Variants in NCKAP5 observed in about 807,000 individuals in gnomAD.
The protein encoded by NCKAP5 is nck-associated protein 5.
Under a neutral mutation model 167.0 loss-of-function variants are expected in NCKAP5, and 92 were observed. That is an observed-to-expected ratio of 0.55 (90% confidence interval 0.47 to 0.66). The LOEUF (loss-of-function observed/expected upper bound fraction) is 0.66, where lower values mean the gene tolerates loss of function less well. Ranked by LOEUF, NCKAP5 falls within the 30% of genes least tolerant of loss-of-function variation. The probability of loss-of-function intolerance (pLI) is 0.00; values close to 1 mark genes in which losing one functional copy is unlikely to be tolerated. For missense variants in NCKAP5, 2,378 were observed against 2,315.0 expected, an observed-to-expected ratio of 1.03 and a Z score of -0.56; for synonymous variants, 891 against 877.4, an observed-to-expected ratio of 1.02 and a Z score of -0.27.
chr2:133,064,153 T>G lies in NCKAP5; in HGVS notation c.341+65825A>C, dbSNP rs78119288. Among the ~76,000 whole-genome samples the G allele has an allele frequency of 3.8e-3, 579 of 152,320 alleles. 2 individuals carry two copies. Among genetic ancestry groups the G allele is most frequent in the African/African-American group, 0.013 (554 of 41,566 alleles). ...AAAAAATGGTCGAACTCACACCATCTTTGTCTTGGCATGGGTTGTCATCAC... is the reference window on the plus strand; with the variant it reads ...AAAAAATGGTCGAACTCACACCATCGTTGTCTTGGCATGGGTTGTCATCAC... On this transcript the variant is annotated intron_variant, in intron 6 of 19. Transcript: ENST00000409261.
At chr2:133,029,691 C>T (rs747807423) in intron 6 of NCKAP5, among the ~76,000 whole-genome samples, 5 of 152,060 alleles carry the variant, frequency 3.3e-5, no homozygotes, top group Admixed American at 2.6e-4. Context: ...CTGAAATGAG[C>T]GCTACTTGCC....
chr2:133,429,468 T>G (rs1003294933), intron 3 of NCKAP5, among the ~76,000 whole-genome samples: 9 of 152,064 alleles, frequency 5.9e-5, no homozygotes, highest in African/African-American at 2.2e-4. Context: ...CCCTCCATTT[T>G]TAGTCCTTGC....
chr2:132,870,633 G>A (rs890489341), intron 9 of NCKAP5, among the ~76,000 whole-genome samples: 2 of 151,528 alleles, frequency 1.3e-5, no homozygotes, highest in South Asian at 2.1e-4. Flanking sequence ...TACAGTCAAC[G>A]GGAGACTGAG....
At chr2:133,435,969 T>G (rs1280681273) in intron 3 of NCKAP5, among the ~76,000 whole-genome samples, 6 of 152,190 alleles carry the variant, frequency 3.9e-5, no homozygotes, top group Non-Finnish European at 8.8e-5. Flanking sequence ...AAATAGTTAC[T>G]CTTCATGAAT....
At chr2:133,283,906 C>T (rs1383889342) in intron 4 of NCKAP5, among the ~76,000 whole-genome samples, 3 of 152,032 alleles carry the variant, frequency 2.0e-5, no homozygotes, top group East Asian at 1.9e-4. Context: ...CCACCGTGCC[C>T]GGCCTTGAAA....
intron 3 of NCKAP5, among the ~76,000 whole-genome samples, chr2:133,460,967 T>C (rs183758766): frequency 6.6e-6 from 1 of 152,036 alleles, no homozygotes; most frequent in Admixed American, 6.6e-5. Flanking sequence ...CAAAGAAAAA[T>C]CTATTAAAAT....
At chr2:133,358,548 G>A (rs1455235052) in intron 3 of NCKAP5, among the ~76,000 whole-genome samples, 2 of 152,122 alleles carry the variant, frequency 1.3e-5, no homozygotes, top group South Asian at 4.1e-4. Flanking sequence ...CTGTGCCCCA[G>A]CCTGGACAAC....
intron 6 of NCKAP5, among the ~76,000 whole-genome samples, chr2:133,063,997 T>C (rs1166738603): frequency 6.6e-6 from 1 of 152,188 alleles, no homozygotes; most frequent in East Asian, 1.9e-4. Flanking sequence ...CTCCAAAACA[T>C]CGTTTCTTAG....
chr2:132,932,921 C>CTTTTT (rs368871730), intron 8 of NCKAP5, among the ~76,000 whole-genome samples: 6 of 119,978 alleles, frequency 5.0e-5, no homozygotes, highest in East Asian at 2.5e-4. Flanking sequence ...TTATCCTCTA[C>CTTTTT]TTTTTTTTTT....
intron 4 of NCKAP5, among the ~76,000 whole-genome samples, chr2:133,254,998 T>C (rs1368220564): frequency 6.6e-6 from 1 of 152,126 alleles, no homozygotes. Flanking sequence ...AATCATTAGC[T>C]GTGTGAAACT....
At chr2:133,377,792 G>T (rs1686249856) in intron 3 of NCKAP5, among the ~76,000 whole-genome samples, 1 of 152,188 alleles carries the variant, frequency 6.6e-6, no homozygotes, top group South Asian at 2.1e-4. Flanking sequence ...GAAGAAGGAA[G>T]TAAGAACTGG....
chr2:133,166,969 G>A (rs2084026135), intron 5 of NCKAP5, among the ~76,000 whole-genome samples: 1 of 152,128 alleles, frequency 6.6e-6, no homozygotes. Context: ...TTAGAATTAA[G>A]TACCACTAAC....
chr2:133,530,722 G>A (rs1167090452), intron 2 of NCKAP5, among the ~76,000 whole-genome samples: 1 of 152,136 alleles, frequency 6.6e-6, no homozygotes, highest in African/African-American at 2.4e-5. Context: ...AATAGAATGT[G>A]GCAAAAGGGA....
chr2:132,870,836 T>C (rs557963865), intron 9 of NCKAP5, among the ~76,000 whole-genome samples: 4 of 151,608 alleles, frequency 2.6e-5, no homozygotes, highest in African/African-American at 7.3e-5. Flanking sequence ...GTAAGTCTCA[T>C]AGAAAATTAA....
At chr2:133,477,143 A>C (rs1679990859) in intron 3 of NCKAP5, among the ~76,000 whole-genome samples, 1 of 152,206 alleles carries the variant, frequency 6.6e-6, no homozygotes, top group Non-Finnish European at 1.5e-5. Context: ...GCAATTAAAC[A>C]CTTTCTCCAA....
At chr2:133,097,321 G>C (rs545040782) in intron 6 of NCKAP5, among the ~76,000 whole-genome samples, 3 of 152,242 alleles carry the variant, frequency 2.0e-5, no homozygotes, top group African/African-American at 4.8e-5. Flanking sequence ...CTATAGTTTG[G>C]AGTTTTGTCA....
chr2:132,836,631 G>T (rs1260529401), intron 11 of NCKAP5, among the ~76,000 whole-genome samples: 4 of 151,884 alleles, frequency 2.6e-5, no homozygotes, highest in African/African-American at 9.7e-5. Context: ...TGAGATCCTG[G>T]TGCACCCATC....
Position 132,913,852 on chromosome 2 carries a change from T to C in NCKAP5, c.580-34936A>G, listed in dbSNP as rs1264210607. 1.5e-4 allele frequency among the ~76,000 whole-genome samples: 23 copies of C among 152,180 alleles called. No homozygotes were observed. The East Asian group carries it at 4.4e-3, about 29-fold the overall frequency. On this transcript the variant is annotated intron_variant, in intron 8 of 19. Transcript: ENST00000409261. ...ACTCTTGTCATAATTTTCCATTCTC[T>C]CTATCCTCTATTAGCATACTTATCG...
chr2:132,708,000 C>T lies in NCKAP5; in HGVS notation c.5713+17627G>A, dbSNP rs558513651. Among the ~76,000 whole-genome samples, 10 of 152,202 alleles carry T rather than the reference C, an allele frequency of 6.6e-5. No individual in the cohort carries two copies. The East Asian group carries it at 7.8e-4, about 12-fold the overall frequency. ...AAAGGGGCTAGGAACCCAGTCCTGG[C>T]CAGATTAATCACCTTCTGACTGAAG... On this transcript the variant is annotated intron_variant, in intron 19 of 19. Coordinates refer to ENST00000409261, the MANE Select transcript of NCKAP5 (RefSeq NM_207363.3).
Sources: allele counts gnomAD v4.1 joint callset (sites outside exome capture counted in the v4.1 genomes callset), GRCh38; gene constraint gnomAD v4.1.1; transcripts MANE v1.5; gene names NCBI Gene and HGNC (gene_info 2026-07-23, HGNC 2026-07-21).